KLHL12: variants seen among roughly 807,000 people sequenced by gnomAD.
KLHL12 encodes kelch-like protein 12.
A neutral mutation model predicts 60.8 loss-of-function variants in KLHL12; 17 were observed. The ratio of observed to expected loss-of-function variants is 0.28; its 90% confidence interval spans 0.19 to 0.42. The LOEUF is 0.42. KLHL12 is among the 10% of genes least tolerant of loss of function. KLHL12 has a pLI of 1.00. For missense variants in KLHL12, 468 were observed against 722.3 expected (o/e 0.65, Z 4.04); for synonymous variants, 220 against 250.9 (o/e 0.88, Z 1.16).
chr1:202,914,633 C>T (rs540940131), intron 4 of KLHL12, among the ~76,000 whole-genome samples: 6 of 151,924 alleles, frequency 3.9e-5, no homozygotes, highest in Non-Finnish European at 5.9e-5. Context: ...TTTGGGAGGC[C>T]GAGGCGGGTG....
At chr1:202,900,082 T>G (rs1193483022) in intron 6 of KLHL12, among the ~76,000 whole-genome samples, 1 of 152,174 alleles carries the variant, frequency 6.6e-6, no homozygotes, top group Admixed American at 6.5e-5. Context: ...CCCATGTAGA[T>G]GAATATGCCA....
Position 202,895,425 on chromosome 1 carries a change from C to T in KLHL12, c.1135+97G>A, listed in dbSNP as rs1287606363. The T allele has an allele frequency of 4.8e-6, 5 of 1,039,430 alleles. No individual in the cohort carries two copies. In the East Asian group the frequency reaches 7.3e-5, roughly 15 times the overall value. 64.4% of individuals were successfully genotyped at this position (1,039,430 alleles called of 1,614,324 possible). A position where few individuals can be genotyped will look rare whatever the true frequency, so the allele number is the denominator to read the frequency against. On this transcript the variant is annotated intron_variant, in intron 8 of 11. Transcript: ENST00000367261. This position sits in a 1 kb window ranked among gnomAD's most constrained non-coding sequence, Gnocchi z 4.2. Reference sequence around the variant, plus strand: ...TAATAACATTTGACCTTAATTTTTTCTCCGTATTTCATGCTCCTGCCAGAC... The same window carrying T: ...TAATAACATTTGACCTTAATTTTTTTTCCGTATTTCATGCTCCTGCCAGAC...
At chr1:202,925,976 G>A (rs1023977858) in intron 1 of KLHL12, among the ~76,000 whole-genome samples, 3 of 151,750 alleles carry the variant, frequency 2.0e-5, no homozygotes, top group Non-Finnish European at 4.4e-5. Flanking sequence ...GTGGTGATGC[G>A]CGCCTATAAT....
At chr1:202,892,733 G>T in intron 11 of KLHL12, 74 bp from the exon 12 acceptor site, 1 of 1,516,662 alleles carries the variant, frequency 6.6e-7, no homozygotes, top group Non-Finnish European at 9.0e-7. Context: ...TCCCAACTAT[G>T]CAGGAGGCTG....
chr1:202,928,562 C>A (rs1394331103), upstream of KLHL12: 1 of 1,301,050 alleles, frequency 7.7e-7, no homozygotes, highest in Admixed American at 2.3e-5. Flanking sequence ...TCCACAATGG[C>A]CTTTTCGGGC....
intron 6 of KLHL12, among the ~76,000 whole-genome samples, chr1:202,908,274 T>A (rs1660256203): frequency 6.6e-6 from 1 of 152,148 alleles, no homozygotes; most frequent in Admixed American, 6.5e-5. Flanking sequence ...ACATACAGGC[T>A]CAGATAAATT....
chr1:202,904,967 T>C (rs977272015), intron 6 of KLHL12, among the ~76,000 whole-genome samples: 7 of 152,240 alleles, frequency 4.6e-5, no homozygotes, highest in Non-Finnish European at 7.3e-5. Context: ...AATTTCCTTC[T>C]GCTGTATGCA....
intron 2 of KLHL12, among the ~76,000 whole-genome samples, chr1:202,921,269 G>C (rs1219826202): frequency 6.6e-6 from 1 of 151,766 alleles, no homozygotes; most frequent in African/African-American, 2.4e-5. Context: ...CCACCTCCCA[G>C]GTTCAAGCGA....
At chr1:202,918,470 C>T in intron 3 of KLHL12, 82 bp from the exon 4 acceptor site, 2 of 1,043,280 alleles carry the variant, frequency 1.9e-6, no homozygotes, top group Admixed American at 3.8e-5. Context: ...TCAGCATCTT[C>T]TCTACATGTT....
intron 2 of KLHL12, among the ~76,000 whole-genome samples, chr1:202,921,112 G>C (rs540479250): frequency 1.3e-5 from 2 of 150,918 alleles, no homozygotes; most frequent in South Asian, 4.3e-4. Flanking sequence ...CCAGGTTCAA[G>C]TGTTTCTCGT....
intron 6 of KLHL12, among the ~76,000 whole-genome samples, chr1:202,901,599 C>G (rs948943116): frequency 1.3e-5 from 2 of 152,040 alleles, no homozygotes; most frequent in African/African-American, 4.8e-5. Flanking sequence ...ACTGTACCAG[C>G]CACTCAGGGG....
intron 2 of KLHL12, among the ~76,000 whole-genome samples, chr1:202,923,860 T>TAA (rs377347301): frequency 6.3e-5 from 5 of 79,050 alleles, no homozygotes; most frequent in African/African-American, 1.9e-4. Flanking sequence ...TAGAACTAAC[T>TAA]AAAAAAAAAA....
chr1:202,912,041 C>A lies in KLHL12; in HGVS notation c.568-838G>T, dbSNP rs1571532587. 5.1e-6 allele frequency: 4 copies of A among 785,928 alleles called. No homozygotes were observed. The East Asian group carries it at 9.7e-5, about 19-fold the overall frequency. The allele number at this position is 785,928 out of a possible 1,614,324, so 48.7% of individuals were successfully genotyped here. On this transcript the variant is annotated intron_variant, in intron 4 of 11. Transcript: ENST00000367261. ...GTGGATGCAGCCATGAATGCAAGGC[C>A]ACACAAGGTGGATGGAAGAGTTGGA...
chr1:202,897,172 T>C (rs532874656), intron 6 of KLHL12, among the ~76,000 whole-genome samples: 1 of 152,084 alleles, frequency 6.6e-6, no homozygotes, highest in East Asian at 1.9e-4. Flanking sequence ...CTTAAATTTC[T>C]GGACATTAAA....
intron 8 of KLHL12, among the ~76,000 whole-genome samples, chr1:202,894,966 T>C (rs1422758682): frequency 2.6e-5 from 4 of 152,312 alleles, no homozygotes; most frequent in South Asian, 2.1e-4. Context: ...ACCTAGGAGT[T>C]TGCAAAAACA....
chr1:202,928,205 G>C (rs1446537755), upstream of KLHL12, among the ~76,000 whole-genome samples: 1 of 150,552 alleles, frequency 6.6e-6, no homozygotes, highest in East Asian at 1.9e-4. Context: ...AACCCGGGAG[G>C]CGGAGGTTGC....
At chr1:202,894,557 G>C (rs1394156264) in intron 9 of KLHL12, 34 bp downstream of exon 9, 1 of 1,611,100 alleles carries the variant, frequency 6.2e-7, no homozygotes. Context: ...TACCCATTGA[G>C]TTCCCTCCCA....
At chr1:202,898,203 T>C (rs1659902424) in intron 6 of KLHL12, among the ~76,000 whole-genome samples, 2 of 152,220 alleles carry the variant, frequency 1.3e-5, no homozygotes, top group Non-Finnish European at 2.9e-5. Flanking sequence ...AGCACCTGCC[T>C]TGGCTTTTTT....
In KLHL12 at chr1:202,891,965, G is replaced by C. The variant is rs1659688329; in HGVS notation, c.*568C>G. On this transcript the variant is annotated 3_prime_UTR_variant, in exon 12 of 12. Coordinates refer to ENST00000367261, the MANE Select transcript of KLHL12 (RefSeq NM_021633.4). ...ATCCTGACCTCCAAAAGAAGTGTCA[G>C]ATGAGTCTCTCTCTCCCTTGTCCCC... 6.6e-6 allele frequency: 1 copy of C among 151,858 alleles called. No homozygotes were observed. The highest frequency in any genetic ancestry group is 1.9e-4 in the East Asian group (1 of 5,180). 9.4% of individuals were successfully genotyped at this position (151,858 alleles called of 1,614,324 possible).
Sources: gnomAD v4.1 joint callset for allele counts (sites outside exome capture counted in the v4.1 genomes callset) on GRCh38, gnomAD v4.1.1 for gene constraint, Gnocchi (gnomAD v3.1) non-coding constraint, MANE v1.5 for transcripts, NCBI Gene and HGNC (gene_info 2026-07-23, HGNC 2026-07-21) for gene names.